The following RSU1 variants were observed in gnomAD, a reference collection of about 807,000 sequenced individuals.
RSU1 encodes the protein rsu-1.
A neutral mutation model predicts 31.1 loss-of-function variants in RSU1; 26 were observed. The ratio of observed to expected loss-of-function variants is 0.84; its 90% CI spans 0.61 to 1.16. The LOEUF is 1.16. RSU1 is among the 50% of genes most tolerant of loss of function. The probability of loss-of-function intolerance (pLI) is 0.00; values close to 1 mark genes in which losing one functional copy is unlikely to be tolerated. For missense variants in RSU1, 320 were observed against 339.1 expected, an observed-to-expected ratio of 0.94 and a Z score of 0.44; for synonymous variants, 164 against 136.3, an observed-to-expected ratio of 1.20 and a Z score of -1.41.
intron 8 of RSU1, among the ~76,000 whole-genome samples, chr10:16,672,656 C>T (rs746835875): frequency 2.0e-5 from 3 of 151,472 alleles, no homozygotes; most frequent in Non-Finnish European, 2.9e-5. Flanking sequence ...CTATATTTAT[C>T]GAACACTCTA....
At chr10:16,609,018 A>G (rs1351118160) in intron 8 of RSU1, among the ~76,000 whole-genome samples, 1 of 151,802 alleles carries the variant, frequency 6.6e-6, no homozygotes, top group Non-Finnish European at 1.5e-5. Context: ...TATTTTGTAG[A>G]GATAGGGCCT....
At chr10:16,657,430 A>T (rs1444212378) in intron 8 of RSU1, among the ~76,000 whole-genome samples, 1 of 152,172 alleles carries the variant, frequency 6.6e-6, no homozygotes, top group Non-Finnish European at 1.5e-5. Flanking sequence ...CTAAGAATTT[A>T]AAGAACAAGG....
rs184431894 is a variant in RSU1, at chr10:16,594,985, T to C, written c.732-1489A>G. 8.9e-4 allele frequency among the ~76,000 whole-genome samples: 136 copies of C among 152,140 alleles called. 1 individual carries two copies. The highest frequency in any genetic ancestry group is 1.6e-3 in the Admixed American group (25 of 15,274). On this transcript the variant is annotated intron_variant, in intron 8 of 8. Coordinates refer to ENST00000345264, the MANE Select transcript of RSU1 (RefSeq NM_012425.4). Reference sequence around the variant, plus strand: ...TTTTAGTAGCAATGGGGTTTCACCATGTTGGCCAGGCTGGTCTTGAACTCT... The same window carrying C: ...TTTTAGTAGCAATGGGGTTTCACCACGTTGGCCAGGCTGGTCTTGAACTCT...
chr10:16,701,672 T>C (rs1835798145), intron 7 of RSU1, among the ~76,000 whole-genome samples: 1 of 151,978 alleles, frequency 6.6e-6, no homozygotes, highest in African/African-American at 2.4e-5. Flanking sequence ...CCCTACCAAA[T>C]AGTTCCAACA....
intron 8 of RSU1, among the ~76,000 whole-genome samples, chr10:16,600,888 C>T (rs1395849408): frequency 6.6e-6 from 1 of 152,086 alleles, no homozygotes; most frequent in Non-Finnish European, 1.5e-5. Context: ...TTAATATGGG[C>T]ATCTTTATTT....
In RSU1 at chr10:16,722,901, T is replaced by TACACACATATACATATATGTATATAC. The variant is rs1836302760; in HGVS notation, c.599-27747_599-27746insGTATATACATATATGTATATGTGTGT. On this transcript the variant is annotated intron_variant, in intron 7 of 8. Transcript: ENST00000345264. ...ACACACATATACATATATGTATATA[T>TACACACATATACATATATGTATATAC]ACACACATATACATATATGTATATA... is the stretch of plus-strand genomic sequence containing the variant. 4.8e-5 allele frequency among the ~76,000 whole-genome samples: 7 copies of TACACACATATACATATATGTATATAC among 146,134 alleles called. 2 individuals are homozygous for TACACACATATACATATATGTATATAC. The highest frequency in any genetic ancestry group is 2.2e-4 in the South Asian group (1 of 4,614).
At chr10:16,756,968 T>C (rs1424981088) in intron 4 of RSU1, among the ~76,000 whole-genome samples, 1 of 149,374 alleles carries the variant, frequency 6.7e-6, no homozygotes, top group African/African-American at 2.5e-5. Context: ...GGGGTAGGTA[T>C]GAGTGTGGTG....
intron 7 of RSU1, among the ~76,000 whole-genome samples, chr10:16,727,469 T>C (rs1317858342): frequency 6.6e-6 from 1 of 152,124 alleles, no homozygotes; most frequent in Non-Finnish European, 1.5e-5. Flanking sequence ...CAATCATGGA[T>C]TGCCGCTACC....
chr10:16,813,522 ATAAC>A (rs904316070), intron 2 of RSU1, among the ~76,000 whole-genome samples: 17 of 152,380 alleles, frequency 1.1e-4, no homozygotes, highest in East Asian at 9.6e-4. Flanking sequence ...ACACTAGTTA[ATAAC>A]TAACATTTAA....
intron 2 of RSU1, among the ~76,000 whole-genome samples, chr10:16,782,360 C>T (rs558092774): frequency 4.3e-4 from 65 of 152,320 alleles, no homozygotes; most frequent in Non-Finnish European, 8.7e-4. Context: ...GTTAGCTCTG[C>T]GTGGCGCCCC....
chr10:16,669,373 TC>T (rs771659861), intron 8 of RSU1, among the ~76,000 whole-genome samples: 3 of 150,794 alleles, frequency 2.0e-5, no homozygotes, highest in East Asian at 1.9e-4. Flanking sequence ...CTGTTTTTTT[TC>T]CCCCCCCAAA....
chr10:16,698,030 G>A (rs1835718039), intron 7 of RSU1, among the ~76,000 whole-genome samples: 1 of 135,098 alleles, frequency 7.4e-6, no homozygotes, highest in South Asian at 2.3e-4. Context: ...ACTTTGGGAA[G>A]AGGGAGAAGA....
chr10:16,775,384 G>A (rs568065672), intron 3 of RSU1, among the ~76,000 whole-genome samples: 5 of 152,182 alleles, frequency 3.3e-5, no homozygotes, highest in African/African-American at 1.2e-4. Context: ...CACGATTGGG[G>A]TGGTTCCATT....
At chr10:16,632,120 T>A (rs1208709247) in intron 8 of RSU1, among the ~76,000 whole-genome samples, 1 of 152,080 alleles carries the variant, frequency 6.6e-6, no homozygotes, top group African/African-American at 2.4e-5. Context: ...ATAGCAACAC[T>A]TGCATCATTA....
intron 5 of RSU1, among the ~76,000 whole-genome samples, chr10:16,753,846 C>T (rs1411209606): frequency 2.6e-5 from 4 of 152,054 alleles, no homozygotes; most frequent in Non-Finnish European, 4.4e-5. Context: ...CAGCCTCAAA[C>T]TCCTGGCCTC....
At chr10:16,733,765 T>C (rs774779569) in intron 7 of RSU1, among the ~76,000 whole-genome samples, 41 of 152,200 alleles carry the variant, frequency 2.7e-4, no homozygotes, top group Non-Finnish European at 4.6e-4. Flanking sequence ...AAAGCTTGAA[T>C]GAGCTTGAAT....
At chr10:16,645,920 GTGTATATACACATATGTGTATATATA>G (rs1834542774) in intron 8 of RSU1, among the ~76,000 whole-genome samples, 1 of 20,040 alleles carries the variant, frequency 5.0e-5, no homozygotes, top group Non-Finnish European at 9.2e-5. Context: ...GTATATATAT[GTGTATATACACATATGTGTATATATA>G]TGTGTATATA....
chr10:16,593,890 G>A (rs1833557542), intron 8 of RSU1, among the ~76,000 whole-genome samples: 1 of 152,218 alleles, frequency 6.6e-6, no homozygotes, highest in Non-Finnish European at 1.5e-5. Context: ...AAAGCCCAGG[G>A]GCTGGCTAAT....
intron 7 of RSU1, among the ~76,000 whole-genome samples, chr10:16,723,726 G>A (rs1260745335): frequency 3.3e-5 from 5 of 152,138 alleles, no homozygotes; most frequent in Admixed American, 2.0e-4. Context: ...ACAGTGGACA[G>A]CCAGGCCTGC....
Sources: allele counts gnomAD v4.1 joint callset (sites outside exome capture counted in the v4.1 genomes callset), GRCh38; gene constraint gnomAD v4.1.1; transcripts MANE v1.5; gene names NCBI Gene and HGNC (gene_info 2026-07-23, HGNC 2026-07-21).